The following XKR9 variants were observed in gnomAD, a reference collection of about 807,000 sequenced individuals.
XKR9 encodes the protein XK-related protein 9.
A neutral mutation model predicts 32.0 loss-of-function variants in XKR9; 32 were observed. The observed-to-expected ratio is 1.00, with a 90% CI of 0.76 to 1.34. The LOEUF (loss-of-function observed/expected upper bound fraction) is 1.34. Ranked by LOEUF, XKR9 falls within the 40% of genes most tolerant of loss-of-function variation. XKR9 has a pLI of 0.00. For synonymous variants in XKR9, 168 were observed against 143.4 expected (o/e 1.17, Z -1.22); for missense variants, 546 against 429.7 (o/e 1.27, Z -2.39).
At chr8:70,750,288 G>C (rs1031156053) in intron 2 of XKR9, among the ~76,000 whole-genome samples, 1 of 152,142 alleles carries the variant, frequency 6.6e-6, no homozygotes, top group Admixed American at 6.5e-5. Context: ...GTTTCTATTA[G>C]CAGCAGAATA....
chr8:70,760,223 C>G (rs1483415536), intron 2 of XKR9, among the ~76,000 whole-genome samples: 1 of 152,104 alleles, frequency 6.6e-6, no homozygotes, highest in Non-Finnish European at 1.5e-5. Context: ...AAGAATAAAA[C>G]ACACAGTATT....
At chr8:70,797,577 T>C in the XKR9 span, among the ~76,000 whole-genome samples, 3 of 152,178 alleles carry the variant, frequency 2.0e-5, no homozygotes, top group East Asian at 5.8e-4. Flanking sequence ...TTTTCACTTT[T>C]ATTTTAGGTT....
chr8:70,948,175 A>G, the XKR9 span, among the ~76,000 whole-genome samples: 1 of 152,158 alleles, frequency 6.6e-6, no homozygotes, highest in Non-Finnish European at 1.5e-5. Context: ...TTATGACCTA[A>G]GCAGCAAAAA....
At chr8:71,045,733 G>T in the XKR9 span, among the ~76,000 whole-genome samples, 1 of 152,208 alleles carries the variant, frequency 6.6e-6, no homozygotes, top group Admixed American at 6.5e-5. Context: ...GAGATCTCTG[G>T]TGGAGGGGTG....
At chr8:70,713,150 T>C (rs1015156501) in intron 4 of XKR9, among the ~76,000 whole-genome samples, 4 of 152,056 alleles carry the variant, frequency 2.6e-5, no homozygotes, top group African/African-American at 7.2e-5. Context: ...AATTCAGGAA[T>C]TGAAAGGAAC....
At chr8:70,747,013 G>T (rs1807067832) in intron 2 of XKR9, among the ~76,000 whole-genome samples, 1 of 152,110 alleles carries the variant, frequency 6.6e-6, no homozygotes, top group East Asian at 1.9e-4. Context: ...GTGAGAACAT[G>T]TGGTTTTCTG....
At chr8:70,874,010 G>C in the XKR9 span, among the ~76,000 whole-genome samples, 2,132 of 152,288 alleles carry the variant, frequency 0.014, 47 homozygotes, top group African/African-American at 0.049. Flanking sequence ...CCACTAACAA[G>C]AAGATTATGA....
At chr8:70,994,663 A>T in the XKR9 span, among the ~76,000 whole-genome samples, 1 of 150,916 alleles carries the variant, frequency 6.6e-6, no homozygotes, top group Non-Finnish European at 1.5e-5. Flanking sequence ...TATTACTCCA[A>T]ATATTTTTTC....
the XKR9 span, among the ~76,000 whole-genome samples, chr8:70,857,866 A>G: frequency 3.3e-5 from 5 of 152,170 alleles, no homozygotes; most frequent in African/African-American, 9.7e-5. Flanking sequence ...GACAAAAACC[A>G]CGTGATTATC....
intron 2 of XKR9, among the ~76,000 whole-genome samples, chr8:70,763,017 C>G (rs17760831): frequency 0.073 from 11,043 of 152,078 alleles, 473 homozygotes; most frequent in Non-Finnish European, 0.089. Flanking sequence ...TGACCAGATC[C>G]TGAATAATTT....
chr8:70,721,931 T>C (rs573822961), intron 4 of XKR9, among the ~76,000 whole-genome samples: 1 of 152,304 alleles, frequency 6.6e-6, no homozygotes, highest in South Asian at 2.1e-4. Context: ...TGTGGGAGTC[T>C]AAGTCTCTTT....
chr8:70,758,261 C>T lies in XKR9; in HGVS notation n.353-31078C>T, dbSNP rs116381109. Among the ~76,000 whole-genome samples the T allele has an allele frequency of 1.7e-3, 258 of 151,482 alleles. 1 individual carries two copies. Among genetic ancestry groups the T allele is most frequent in the African/African-American group, 5.8e-3 (239 of 41,346 alleles). On this transcript the variant is annotated intron_variant and non_coding_transcript_variant, in intron 2 of 3. Coordinates refer to the XKR9 transcript ENST00000520273. ...TATGCCTACAGTTAGCTTGGGATGACGGCAGCACCAGTAGGTCTCTCTCTC... is the reference window on the plus strand; with the variant it reads ...TATGCCTACAGTTAGCTTGGGATGATGGCAGCACCAGTAGGTCTCTCTCTC...
the XKR9 span, among the ~76,000 whole-genome samples, chr8:70,821,813 C>T: frequency 6.6e-6 from 1 of 152,166 alleles, no homozygotes; most frequent in Non-Finnish European, 1.5e-5. Flanking sequence ...TGGGCCCGGC[C>T]CATGAAACCA....
At chr8:70,887,886 T>C in the XKR9 span, among the ~76,000 whole-genome samples, 1 of 152,142 alleles carries the variant, frequency 6.6e-6, no homozygotes, top group African/African-American at 2.4e-5. Flanking sequence ...CAATTTGACT[T>C]CCTCTCTTCC....
chr8:70,746,337 T>G (rs1240062456), intron 2 of XKR9, among the ~76,000 whole-genome samples: 1 of 146,908 alleles, frequency 6.8e-6, no homozygotes, highest in East Asian at 2.0e-4. Flanking sequence ...TGAAACAGAA[T>G]AAAGAATATA....
At chr8:70,918,704 A>C in the XKR9 span, among the ~76,000 whole-genome samples, 1 of 151,576 alleles carries the variant, frequency 6.6e-6, no homozygotes, top group Non-Finnish European at 1.5e-5. Flanking sequence ...GAAAACAAAA[A>C]TAAAAACAAA....
At chr8:70,896,091 A>G in the XKR9 span, among the ~76,000 whole-genome samples, 1 of 152,196 alleles carries the variant, frequency 6.6e-6, no homozygotes, top group East Asian at 1.9e-4. Flanking sequence ...GTACTTTTAT[A>G]TGTTGCTGGA....
chr8:71,040,343 A>G, the XKR9 span, among the ~76,000 whole-genome samples: 20 of 152,058 alleles, frequency 1.3e-4, no homozygotes, highest in Non-Finnish European at 2.6e-4. Flanking sequence ...AGGCTCATTG[A>G]CTCTATTCAG....
the XKR9 span, among the ~76,000 whole-genome samples, chr8:70,994,859 T>A: frequency 6.6e-6 from 1 of 151,746 alleles, no homozygotes; most frequent in Admixed American, 6.6e-5. Flanking sequence ...AAAAGAACAA[T>A]AAATTTTTAA....
Sources: allele counts gnomAD v4.1 joint callset (sites outside exome capture counted in the v4.1 genomes callset), GRCh38; gene constraint gnomAD v4.1.1; transcripts MANE v1.5; gene names NCBI Gene and HGNC (gene_info 2026-07-23, HGNC 2026-07-21).